The following DENND2C variants were observed in gnomAD, a reference collection of about 807,000 sequenced individuals.
The protein encoded by DENND2C is DENN domain-containing protein 2C.
Under a neutral mutation model 112.4 loss-of-function variants are expected in DENND2C, and 72 were observed. The observed-to-expected ratio is 0.64, with a 90% CI of 0.53 to 0.78. The LOEUF (loss-of-function observed/expected upper bound fraction) is 0.78. Among genes scored for constraint, DENND2C ranks in the 30% least tolerant of loss-of-function variants. DENND2C has a pLI of 0.00. For missense variants in DENND2C, 992 were observed against 1,113.8 expected, an observed-to-expected ratio of 0.89 and a Z score of 1.56; for synonymous variants, 329 against 381.6, an observed-to-expected ratio of 0.86 and a Z score of 1.61.
intron 11 of DENND2C, among the ~76,000 whole-genome samples, chr1:114,604,023 T>G (rs1655590672): frequency 6.6e-6 from 1 of 152,204 alleles, no homozygotes; most frequent in Admixed American, 6.5e-5. Flanking sequence ...TATAACTTGT[T>G]GTGGGGAAAA....
chr1:114,590,300 G>C (rs1480834719), intron 18 of DENND2C, among the ~76,000 whole-genome samples: 1 of 152,076 alleles, frequency 6.6e-6, no homozygotes, highest in Non-Finnish European at 1.5e-5. Context: ...TGAGGAAGGA[G>C]GATTGCTTGA....
intron 3 of DENND2C, among the ~76,000 whole-genome samples, chr1:114,633,608 A>C (rs1017123621): frequency 6.6e-6 from 1 of 151,220 alleles, no homozygotes; most frequent in Non-Finnish European, 1.5e-5. Flanking sequence ...CTATTAAAAG[A>C]AAAAAAAAGG....
chr1:114,640,052 G>GA (rs1376433272), intron 3 of DENND2C, among the ~76,000 whole-genome samples: 2 of 152,208 alleles, frequency 1.3e-5, no homozygotes, highest in Non-Finnish European at 2.9e-5. Flanking sequence ...AAAGCTGGGA[G>GA]AAAGAGGACA....
At chr1:114,614,962 C>T (rs1401787194) in intron 8 of DENND2C, among the ~76,000 whole-genome samples, 5 of 151,368 alleles carry the variant, frequency 3.3e-5, no homozygotes, top group South Asian at 2.1e-4. Flanking sequence ...TGCAGTGAGC[C>T]GAGATCGCAC....
chr1:114,594,584 G>T lies in DENND2C; in HGVS notation c.2326-6C>A. ...ATTTCATCCTCATCAGATACCTTAA[G>T]AAGAAAAAAAAATGGAGATTTTTCT... On this transcript the variant is annotated splice_polypyrimidine_tract_variant and splice_region_variant and intron_variant, in intron 17 of 20. Coordinates refer to ENST00000393274, the MANE Select transcript of DENND2C (RefSeq NM_001256404.2). The T allele has an allele frequency of 6.2e-7, 1 of 1,600,382 alleles. No individual in the cohort carries two copies.
intron 1 of DENND2C, among the ~76,000 whole-genome samples, chr1:114,661,118 A>G (rs1042312430): frequency 6.6e-6 from 1 of 151,908 alleles, no homozygotes; most frequent in South Asian, 2.1e-4. Flanking sequence ...AAAAAAAAAA[A>G]AAAAAAAAGA....
chr1:114,639,453 C>T (rs752861224), intron 3 of DENND2C, among the ~76,000 whole-genome samples: 2 of 151,550 alleles, frequency 1.3e-5, no homozygotes, highest in Non-Finnish European at 2.9e-5. Context: ...GTGGTGGGTG[C>T]CTGTAATAAT....
intron 3 of DENND2C, among the ~76,000 whole-genome samples, chr1:114,641,596 C>T (rs75989803): frequency 6.6e-6 from 1 of 152,068 alleles, no homozygotes. Context: ...CCATGTGACA[C>T]GTCTCCTCCC....
chr1:114,661,745 A>G (rs1186103119), intron 1 of DENND2C, among the ~76,000 whole-genome samples: 1 of 152,184 alleles, frequency 6.6e-6, no homozygotes, highest in Admixed American at 6.5e-5. Context: ...CAGTCATTGC[A>G]CATACCTCTG....
chr1:114,587,800 G>C lies in DENND2C; in HGVS notation c.2584C>G (p.Arg862Gly), dbSNP rs767958216. Residue 862 changes from arginine to glycine, a missense_variant, in exon 19 of 21, where the codon CGC becomes GGC. By Grantham distance (125) the Arg-to-Gly change is moderately radical (BLOSUM62 -2). Around this residue, in one of 3 missense-constraint regions of DENND2C, gnomAD observed 516 missense variants for 623.6 expected, o/e 0.83. Transcript: ENST00000393274. ...FRKSHTSRSV[R>G]HFLDLFMETQ... ...TCCATGAAGAGATCCAGGAAGTGGCGTACACTTCGGGAGGTGTGGGACTTA... is the reference window on the plus strand; with the variant it reads ...TCCATGAAGAGATCCAGGAAGTGGCCTACACTTCGGGAGGTGTGGGACTTA... The C allele has an allele frequency of 4.3e-6, 7 of 1,613,938 alleles. No homozygotes were observed. The Admixed American group carries it at 1.2e-4, about 27-fold the overall frequency.
intron 16 of DENND2C, among the ~76,000 whole-genome samples, chr1:114,596,223 C>T (rs1655339047): frequency 1.3e-5 from 2 of 151,888 alleles, no homozygotes; most frequent in Admixed American, 6.6e-5. Context: ...TTTAGCTGGG[C>T]GTGTAGTACA....
At chr1:114,634,698 A>G (rs1239747428) in intron 3 of DENND2C, among the ~76,000 whole-genome samples, 1 of 152,228 alleles carries the variant, frequency 6.6e-6, no homozygotes, top group African/African-American at 2.4e-5. Context: ...AAAAAGTTTA[A>G]AAACAATAAG....
chr1:114,612,622 C>A (rs1655854357), intron 8 of DENND2C, among the ~76,000 whole-genome samples: 1 of 151,676 alleles, frequency 6.6e-6, no homozygotes, highest in Non-Finnish European at 1.5e-5. Flanking sequence ...AGGGTTCAAG[C>A]AGTTCTCCTG....
intron 19 of DENND2C, 62 bp downstream of exon 19, chr1:114,587,654 T>A (rs1267724534): frequency 2.0e-6 from 3 of 1,470,580 alleles, no homozygotes; most frequent in South Asian, 2.6e-5. Context: ...TTATTCATAA[T>A]ATAGTAAAAT....
At chr1:114,618,330 T>G in intron 8 of DENND2C, 56 bp downstream of exon 8, 6 of 1,290,436 alleles carry the variant, frequency 4.6e-6, no homozygotes, top group Non-Finnish European at 6.4e-6. Flanking sequence ...TATATGGTGA[T>G]TCTCCTCTCA....
intron 10 of DENND2C, 135 bp downstream of exon 10, chr1:114,608,551 A>G: frequency 1.0e-6 from 1 of 984,680 alleles, no homozygotes; most frequent in Non-Finnish European, 1.5e-6. Context: ...AGATGTTTTC[A>G]AAGCCACCAG....
At chr1:114,654,852 T>C (rs1342470697) in intron 1 of DENND2C, 91 bp from the exon 2 acceptor site, 1 of 151,452 alleles carries the variant, frequency 6.6e-6, no homozygotes, top group Non-Finnish European at 1.5e-5. Flanking sequence ...ACCCTCAACA[T>C]ATGGATTCTG....
rs762046745 is a variant in DENND2C at position 114,600,366 on chromosome 1, A to T, written c.1957-14T>A. ...GAGTTCAATGGACTGAAATGCAAGA[A>T]GTTGAATCAGGTGAGCTAATGTTGG... is the stretch of plus-strand genomic sequence containing the variant. On this transcript the variant is annotated splice_polypyrimidine_tract_variant and intron_variant, in intron 14 of 20. Coordinates refer to ENST00000393274, the MANE Select transcript of DENND2C (RefSeq NM_001256404.2). 1.9e-6 allele frequency: 3 copies of T among 1,613,836 alleles called. No individual in the cohort carries two copies. Among genetic ancestry groups the T allele is most frequent in the Non-Finnish European group, 2.5e-6 (3 of 1,179,818 alleles).
intron 6 of DENND2C, among the ~76,000 whole-genome samples, chr1:114,622,587 T>A (rs1324999241): frequency 6.6e-6 from 1 of 152,182 alleles, no homozygotes; most frequent in Non-Finnish European, 1.5e-5. Context: ...TACAAGGTAA[T>A]CAAATTCCCA....
Sources: gnomAD v4.1 joint callset for allele counts (sites outside exome capture counted in the v4.1 genomes callset) on GRCh38, gnomAD v4.1.1 for gene constraint, gnomAD v4.1.1 regional missense constraint, MANE v1.5 for transcripts, NCBI Gene and HGNC (gene_info 2026-07-23, HGNC 2026-07-21) for gene names.